The following CFAP107 variants were observed in gnomAD, a reference collection of about 807,000 sequenced individuals.
CFAP107 encodes the protein cilia and flagella associated protein 107, also known as cilia- and flagella-associated protein 107.
chr1:12,760,778 A>G, the CFAP107 span: 1 of 1,613,282 alleles, frequency 6.2e-7, no homozygotes, highest in Admixed American at 1.7e-5. Flanking sequence ...AGCTCCCCCT[A>G]CAAACTATGG....
chr1:12,760,966 G>A, the CFAP107 span: 1 of 1,600,664 alleles, frequency 6.2e-7, no homozygotes, highest in Non-Finnish European at 8.5e-7. Context: ...TGCCACCCCA[G>A]GAGCAGCTCA....
the CFAP107 span, chr1:12,759,764 A>G: frequency 5.6e-6 from 3 of 536,970 alleles, no homozygotes; most frequent in Non-Finnish European, 6.8e-6. Flanking sequence ...ACATCCACGC[A>G]TCCTTCCTCC....
the CFAP107 span, chr1:12,759,641 C>T: frequency 3.6e-6 from 3 of 838,268 alleles, no homozygotes; most frequent in East Asian, 2.7e-5. Context: ...TCTATTGTAC[C>T]CTCAGGGCTG....
the CFAP107 span, chr1:12,755,692 T>G: frequency 2.5e-6 from 4 of 1,591,350 alleles, no homozygotes; most frequent in Non-Finnish European, 3.4e-6. Context: ...ATATTTGGTC[T>G]TTTCCAGTTC....
chr1:12,755,534 G>T, the CFAP107 span, among the ~76,000 whole-genome samples: 1 of 152,172 alleles, frequency 6.6e-6, no homozygotes, highest in South Asian at 2.1e-4. Context: ...CGGATGGCAG[G>T]CTCCCCGTCC....
the CFAP107 span, among the ~76,000 whole-genome samples, chr1:12,756,176 C>G: frequency 1.3e-5 from 2 of 152,220 alleles, no homozygotes; most frequent in Non-Finnish European, 2.9e-5. Context: ...TTTGGACAAA[C>G]AGTGTTGTGT....
chr1:12,756,825 T>A, the CFAP107 span, among the ~76,000 whole-genome samples: 35 of 152,270 alleles, frequency 2.3e-4, no homozygotes, highest in East Asian at 6.8e-3. Flanking sequence ...TGTGGCTTGT[T>A]GTTAGGGATG....
the CFAP107 span, chr1:12,755,786 C>T: frequency 1.4e-5 from 22 of 1,613,344 alleles, no homozygotes; most frequent in Admixed American, 5.0e-5. Context: ...ACCAGATCTC[C>T]AGGTGGTATG....
the CFAP107 span, among the ~76,000 whole-genome samples, chr1:12,747,416 G>A: frequency 6.6e-6 from 1 of 152,020 alleles, no homozygotes; most frequent in African/African-American, 2.4e-5. Flanking sequence ...GTTTTCCACT[G>A]TGTTTTAAAG....
At chr1:12,755,772 C>T in the CFAP107 span, 3 of 1,613,748 alleles carry the variant, frequency 1.9e-6, no homozygotes, top group Middle Eastern at 1.7e-4. Context: ...AGACCACAGA[C>T]CAGACCAGAT....
At chr1:12,756,308 G>A in the CFAP107 span, among the ~76,000 whole-genome samples, 1 of 152,204 alleles carries the variant, frequency 6.6e-6, no homozygotes, top group African/African-American at 2.4e-5. Context: ...AGAGAGCAGG[G>A]CATTGCAACC....
chr1:12,758,262 C>G, the CFAP107 span, among the ~76,000 whole-genome samples: 1 of 152,134 alleles, frequency 6.6e-6, no homozygotes. Flanking sequence ...TTCCCAAACC[C>G]TAATAAGGAA....
chr1:12,756,426 G>T, the CFAP107 span, among the ~76,000 whole-genome samples: 1 of 152,174 alleles, frequency 6.6e-6, no homozygotes, highest in African/African-American at 2.4e-5. Context: ...GTGTGCCAGA[G>T]GCTGAGATCC....
At chr1:12,752,759 T>C in the CFAP107 span, among the ~76,000 whole-genome samples, 1 of 151,898 alleles carries the variant, frequency 6.6e-6, no homozygotes, top group Non-Finnish European at 1.5e-5. Flanking sequence ...GCTAACATAA[T>C]ACCCAATGGT....
the CFAP107 span, among the ~76,000 whole-genome samples, chr1:12,747,712 T>C: frequency 6.6e-6 from 1 of 152,160 alleles, no homozygotes; most frequent in Non-Finnish European, 1.5e-5. Flanking sequence ...CAGCTACAAA[T>C]GTACTTGGCC....
the CFAP107 span, among the ~76,000 whole-genome samples, chr1:12,747,881 G>A: frequency 6.6e-6 from 1 of 152,252 alleles, no homozygotes; most frequent in Non-Finnish European, 1.5e-5. Flanking sequence ...TTGGAGTGAT[G>A]TCAACAAGGT....
At chr1:12,754,499 A>G in the CFAP107 span, among the ~76,000 whole-genome samples, 1 of 152,246 alleles carries the variant, frequency 6.6e-6, no homozygotes, top group African/African-American at 2.4e-5. Flanking sequence ...CAGCAATTAC[A>G]CTTCTGGTTG....
chr1:12,752,658 T>C, the CFAP107 span, among the ~76,000 whole-genome samples: 1 of 151,348 alleles, frequency 6.6e-6, no homozygotes, highest in East Asian at 1.9e-4. Context: ...GAAAAAGCAT[T>C]GTGCAAAATT....
At chr1:12,758,266 T>G in the CFAP107 span, among the ~76,000 whole-genome samples, 2 of 151,958 alleles carry the variant, frequency 1.3e-5, no homozygotes, top group African/African-American at 4.8e-5. Flanking sequence ...CAAACCCTAA[T>G]AAGGAAAAAT....
Sources: gnomAD v4.1 joint callset for allele counts (sites outside exome capture counted in the v4.1 genomes callset) on GRCh38, gnomAD v4.1.1 for gene constraint, MANE v1.5 for transcripts, NCBI Gene and HGNC (gene_info 2026-07-23, HGNC 2026-07-21) for gene names.